SETD7: variants seen among roughly 807,000 people sequenced by gnomAD.
The protein encoded by SETD7 is SET domain containing 7, histone lysine methyltransferase.
In SETD7, 16 loss-of-function variants were observed where a neutral mutation model predicts 41.8. The ratio of observed to expected loss-of-function variants is 0.38; its 90% CI spans 0.26 to 0.58. The LOEUF is 0.58. Among genes scored for constraint, SETD7 ranks in the 20% least tolerant of loss-of-function variants. SETD7 has a pLI of 0.64. For missense variants in SETD7, 346 were observed against 459.7 expected (o/e 0.75, Z 2.26); for synonymous variants, 163 against 169.7 (o/e 0.96, Z 0.31).
At chr4:139,496,565 A>G (rs1430072471) in intron 7 of SETD7, 1 of 695,786 alleles carries the variant, frequency 1.4e-6, no homozygotes, top group Non-Finnish European at 2.6e-6. Context: ...TTCAGAGATT[A>G]TTAAGGTACA....
chr4:139,556,039 T>A, intron 1 of SETD7, 59 bp downstream of exon 1: 1 of 1,509,406 alleles, frequency 6.6e-7, no homozygotes, highest in Non-Finnish European at 8.9e-7. Context: ...AGCCCGCCAC[T>A]CCTTCCGCGC....
Position 139,510,558 on chromosome 4 carries a change from A to G in SETD7, c.*1105T>C, listed in dbSNP as rs1057250925. The G allele has an allele frequency of 1.3e-5, 2 of 152,228 alleles. No individual in the cohort carries two copies. The highest frequency in any genetic ancestry group is 4.8e-5 in the African/African-American group (2 of 41,456). The allele number at this position is 152,228 out of a possible 1,614,324, so 9.4% of individuals were successfully genotyped here. ...AGGTAAGTGCTTTGAAATTACAATG[A>G]TGAAGAGTTTTAGCATCAAGGTTTG... On this transcript the variant is annotated 3_prime_UTR_variant, in exon 8 of 8. Transcript: ENST00000274031.
At chr4:139,530,683 G>C (rs1727461307) in intron 3 of SETD7, among the ~76,000 whole-genome samples, 1 of 151,918 alleles carries the variant, frequency 6.6e-6, no homozygotes, top group South Asian at 2.1e-4. Flanking sequence ...GTCTTTCCAG[G>C]GTCTCACACC....
intron 2 of SETD7, among the ~76,000 whole-genome samples, chr4:139,533,895 T>C (rs1256285607): frequency 1.3e-5 from 2 of 152,222 alleles, no homozygotes; most frequent in African/African-American, 4.8e-5. Context: ...GTAATTGGTA[T>C]CCAGTCAAAT....
intron 1 of SETD7, among the ~76,000 whole-genome samples, chr4:139,553,118 G>A (rs1314633459): frequency 6.6e-6 from 1 of 152,150 alleles, no homozygotes; most frequent in Non-Finnish European, 1.5e-5. Flanking sequence ...ACAGTACACA[G>A]AACACTCTCT....
rs746601023 is a variant in SETD7 at position 139,523,342 on chromosome 4, G to C, written c.644+12C>G. ...ATAAACAGTGCAATTAAAACCCCAA[G>C]GAGGAAATTACCTTTCTGATTCATA... On this transcript the variant is annotated intron_variant, in intron 5 of 7. Coordinates refer to ENST00000274031, the MANE Select transcript of SETD7 (RefSeq NM_030648.4). The C allele has an allele frequency of 1.3e-6, 2 of 1,594,864 alleles. No individual in the cohort carries two copies. Among genetic ancestry groups the C allele is most frequent in the South Asian group, 1.1e-5 (1 of 90,452 alleles).
rs750239694 is a variant in SETD7 at position 139,529,069 on chromosome 4, G to A, written c.524C>T (p.Thr175Ile). 4 of 1,614,018 alleles carry A rather than the reference G, an allele frequency of 2.5e-6. No individual in the cohort carries two copies. The Admixed American group carries it at 6.7e-5, about 27-fold the overall frequency. ...IEGKLATLMS[T>I]EEGRPHFELM... is the part of the protein sequence containing the mutation. ...TTCAAAGTGAGGCCTCCCTTCTTCA[G>A]TGGACATAAGGGTAGCCAGTTTGCC... Residue 175 changes from threonine to isoleucine, a missense_variant, in exon 4 of 8, where the codon ACT (threonine) becomes ATT (isoleucine). By Grantham distance (89) the Thr-to-Ile change is moderately conservative (BLOSUM62 -1). This residue lies in a region of SETD7 where 266 missense variants were observed against 377.0 expected (regional missense o/e 0.71). Transcript: ENST00000274031.
At chr4:139,521,145 G>T (rs1727170336) in intron 5 of SETD7, among the ~76,000 whole-genome samples, 1 of 152,190 alleles carries the variant, frequency 6.6e-6, no homozygotes, top group Non-Finnish European at 1.5e-5. Context: ...AAAACAGCTG[G>T]TCGGGCGTGG....
chr4:139,533,362 G>A lies in SETD7; in HGVS notation c.175C>T (p.Leu59=). ...GKFFFFDGST[L]EGYYVDDALQ... is the part of the protein sequence containing the mutation. Reference sequence around the variant, plus strand: ...GCATCATCCACATAATACCCCTCCAGGGTGCTGTGAGGAAAGGAAAAACAA... The same window carrying A: ...GCATCATCCACATAATACCCCTCCAAGGTGCTGTGAGGAAAGGAAAAACAA... Residue 59 remains leucine, a synonymous_variant, in exon 3 of 8, where the codon CTG becomes TTG. Transcript: ENST00000274031. The A allele has an allele frequency of 6.2e-7, 1 of 1,613,288 alleles. No individual in the cohort carries two copies. Among genetic ancestry groups the A allele is most frequent in the Non-Finnish European group, 8.5e-7 (1 of 1,179,640 alleles).
rs1579225080 is a variant in SETD7, at chr4:139,547,150, T to A, written c.41-101A>T. On this transcript the variant is annotated intron_variant, in intron 1 of 7. Coordinates refer to ENST00000274031, the MANE Select transcript of SETD7 (RefSeq NM_030648.4). ...CTGCCAGACAAGTCCCCCACCCAAC[T>A]CCCCTCCAGCTGCCAAAGGGTCCCC... is the stretch of plus-strand genomic sequence containing the variant. 2.1e-6 allele frequency: 3 copies of A among 1,449,622 alleles called. No homozygotes were observed. In the East Asian group the frequency reaches 7.0e-5, roughly 34 times the overall value. The allele number at this position is 1,449,622 out of a possible 1,614,324, so 89.8% of individuals were successfully genotyped here. A position where few individuals can be genotyped will look rare whatever the true frequency, so the allele number is the denominator to read the frequency against.
chr4:139,537,171 C>T (rs1429065407), intron 2 of SETD7, among the ~76,000 whole-genome samples: 1 of 152,066 alleles, frequency 6.6e-6, no homozygotes, highest in African/African-American at 2.4e-5. Flanking sequence ...GACGGGGTTT[C>T]TTCATGTTGG....
In SETD7 at chr4:139,517,942, C is replaced by G. The variant is rs200291509; in HGVS notation, c.863G>C (p.Cys288Ser). The G allele has an allele frequency of 1.8e-5, 29 of 1,613,804 alleles. No homozygotes were observed. Among genetic ancestry groups the G allele is most frequent in the Middle Eastern group, 1.6e-4 (1 of 6,082 alleles). ...PEPYNHVSKY[C>S]ASLGHKANHS... is the part of the protein sequence containing the mutation. Reference sequence around the variant, plus strand: ...ATTTGCCTTGTGTCCCAAGGAGGCACAGTACTTGGATACGTGGTTATAGGG... The same window carrying G: ...ATTTGCCTTGTGTCCCAAGGAGGCAGAGTACTTGGATACGTGGTTATAGGG... The change falls in exon 7 of 8, where the codon TGT (cysteine) becomes TCT (serine). Residue 288 changes from cysteine (C) to serine (S), a missense_variant. This residue lies in a region of SETD7 where 266 missense variants were observed against 377.0 expected (regional missense o/e 0.71). Coordinates refer to ENST00000274031, the MANE Select transcript of SETD7 (RefSeq NM_030648.4).
chr4:139,498,459 C>T (rs1226038747), intron 7 of SETD7, among the ~76,000 whole-genome samples: 2 of 152,218 alleles, frequency 1.3e-5, no homozygotes, highest in Non-Finnish European at 2.9e-5. Flanking sequence ...TTTCTTCCTG[C>T]AGACACCACA....
chr4:139,539,614 A>G (rs916536485), intron 2 of SETD7, among the ~76,000 whole-genome samples: 1 of 152,226 alleles, frequency 6.6e-6, no homozygotes, highest in Non-Finnish European at 1.5e-5. Context: ...TGAAGAGTGA[A>G]TAATGAAATT....
chr4:139,499,241 C>A (rs1726522597), intron 7 of SETD7, among the ~76,000 whole-genome samples: 1 of 152,224 alleles, frequency 6.6e-6, no homozygotes, highest in Admixed American at 6.5e-5. Context: ...CCATAATAGT[C>A]CTTTCCTTGA....
chr4:139,532,520 C>T (rs955475596), intron 3 of SETD7: 1 of 152,300 alleles, frequency 6.6e-6, no homozygotes, highest in Non-Finnish European at 1.5e-5. Flanking sequence ...AATTCAGTAA[C>T]AACAGATGGG....
At chr4:139,553,632 T>C (rs1382470767) in intron 1 of SETD7, among the ~76,000 whole-genome samples, 2 of 152,180 alleles carry the variant, frequency 1.3e-5, no homozygotes, top group African/African-American at 4.8e-5. Flanking sequence ...AAAATTAGGA[T>C]AATATTAGTA....
chr4:139,556,064 G>A (rs761040877), intron 1 of SETD7, 34 bp downstream of exon 1: 1 of 1,573,532 alleles, frequency 6.4e-7, no homozygotes, highest in Non-Finnish European at 8.6e-7. Flanking sequence ...GGCCCTCTGC[G>A]CCTCCTCCCC....
At chr4:139,504,108 T>C (rs1726647544), downstream of SETD7, among the ~76,000 whole-genome samples, 1 of 152,198 alleles carries the variant, frequency 6.6e-6, no homozygotes, top group South Asian at 2.1e-4. Context: ...CACTTCTTGT[T>C]ATGTGAGATA....
Sources: allele counts gnomAD v4.1 joint callset (sites outside exome capture counted in the v4.1 genomes callset), GRCh38; gene constraint gnomAD v4.1.1; regional missense constraint gnomAD v4.1.1; transcripts MANE v1.5; gene names NCBI Gene and HGNC (gene_info 2026-07-23, HGNC 2026-07-21).